The following LOXHD1 variants were observed in gnomAD, a reference collection of about 807,000 sequenced individuals.
LOXHD1 encodes lipoxygenase homology domain-containing protein 1.
Under a neutral mutation model 248.2 loss-of-function variants are expected in LOXHD1, and 205 were observed. The ratio of observed to expected loss-of-function variants is 0.83; its 90% confidence interval spans 0.74 to 0.93. The LOEUF (loss-of-function observed/expected upper bound fraction) is 0.93. LOXHD1 is among the 40% of genes least tolerant of loss of function. LOXHD1 has a pLI of 0.00. For synonymous variants in LOXHD1, 1,113 were observed against 1,162.8 expected (o/e 0.96, Z 0.87); for missense variants, 2,930 against 2,971.6 (o/e 0.99, Z 0.33).
intron 1 of LOXHD1, among the ~76,000 whole-genome samples, chr18:46,653,715 C>T (rs1159618514): frequency 6.6e-6 from 1 of 152,186 alleles, no homozygotes; most frequent in Non-Finnish European, 1.5e-5. Context: ...ACAAAACTGA[C>T]CAGGATTTGA....
intron 1 of LOXHD1, among the ~76,000 whole-genome samples, chr18:46,655,428 T>C (rs1599082252): frequency 6.6e-6 from 1 of 152,174 alleles, no homozygotes; most frequent in Non-Finnish European, 1.5e-5. Context: ...CTGCTGGCTG[T>C]GAGAGGTTCT....
rs777888363 is a variant in LOXHD1, at chr18:46,509,719, C to T, written c.5496G>A (p.Arg1832=). 1.3e-6 allele frequency: 2 copies of T among 1,551,548 alleles called. No individual in the cohort carries two copies. Among genetic ancestry groups the T allele is most frequent in the Non-Finnish European group, 1.7e-6 (2 of 1,146,918 alleles). The change falls in exon 35 of 41, where the codon CGG becomes CGA. Residue 1832 remains arginine (R), a synonymous_variant. Coordinates refer to ENST00000642948, the MANE Select transcript of LOXHD1 (RefSeq NM_001384474.1). Reference sequence around the variant, plus strand: ...TTACCCTCTCCAGGAACCACTCCGGCCGACTGCCCAGGCCATCAATCCGGA... The same window carrying T: ...TTACCCTCTCCAGGAACCACTCCGGTCGACTGCCCAGGCCATCAATCCGGA... The part of the protein sequence containing the change: ...MRIRIDGLGS[R]PEWFLERILL...
At chr18:46,518,916 C>T in intron 33 of LOXHD1, 1 of 985,594 alleles carries the variant, frequency 1.0e-6, no homozygotes, top group Non-Finnish European at 1.2e-6. Context: ...AGAAGTGAGA[C>T]AATCCCCTAG....
chr18:46,642,607 G>C (rs115748340), intron 2 of LOXHD1, among the ~76,000 whole-genome samples: 1 of 152,234 alleles, frequency 6.6e-6, no homozygotes, highest in Non-Finnish European at 1.5e-5. Context: ...AGTGAGGGAA[G>C]TGCATCTCTG....
intron 21 of LOXHD1, chr18:46,555,393 G>A (rs1416544133): frequency 3.6e-5 from 11 of 302,294 alleles, no homozygotes; most frequent in South Asian, 2.1e-4. Context: ...GCTGTCCTAC[G>A]GTCTTTATGT....
chr18:46,555,698 G>A (rs1311451792), intron 21 of LOXHD1, among the ~76,000 whole-genome samples: 4 of 152,054 alleles, frequency 2.6e-5, no homozygotes, highest in African/African-American at 4.8e-5. Flanking sequence ...CTCATACAAG[G>A]GGACTTCTCT....
chr18:46,562,662 G>A (rs1015954138), intron 18 of LOXHD1, among the ~76,000 whole-genome samples: 1 of 152,188 alleles, frequency 6.6e-6, no homozygotes, highest in African/African-American at 2.4e-5. Context: ...TGCAGCCTTA[G>A]TGTCATCTTT....
intron 4 of LOXHD1, among the ~76,000 whole-genome samples, chr18:46,629,966 C>CTCTTCT (rs2038799171): frequency 6.6e-6 from 1 of 152,122 alleles, no homozygotes; most frequent in Non-Finnish European, 1.5e-5. Context: ...TCATCAGCCT[C>CTCTTCT]TCTTCTCTTT....
intron 8 of LOXHD1, among the ~76,000 whole-genome samples, chr18:46,597,717 A>C (rs1399171074): frequency 3.3e-5 from 5 of 152,182 alleles, no homozygotes; most frequent in Non-Finnish European, 7.4e-5. Context: ...CTGTACAAGA[A>C]AGGAATAAGG....
intron 40 of LOXHD1, among the ~76,000 whole-genome samples, chr18:46,482,317 G>T (rs1410068522): frequency 6.6e-6 from 1 of 152,178 alleles, no homozygotes; most frequent in Non-Finnish European, 1.5e-5. Context: ...TTTAGATAAG[G>T]TCATGAGGGT....
intron 5 of LOXHD1, among the ~76,000 whole-genome samples, chr18:46,615,317 C>A (rs1488447084): frequency 1.3e-5 from 2 of 152,230 alleles, no homozygotes; most frequent in Non-Finnish European, 2.9e-5. Context: ...TCTTGCCCTG[C>A]AAGATCCTCC....
Position 46,518,126 on chromosome 18 carries a change from T to A in LOXHD1, c.5399+3A>T. Reference sequence around the variant, plus strand: ...GTGAGGGGCAGGGGCCGCCTCCAGGTACCTGGCTTTCTTTTTGTCCAGCTG... The same window carrying A: ...GTGAGGGGCAGGGGCCGCCTCCAGGAACCTGGCTTTCTTTTTGTCCAGCTG... On this transcript the variant is annotated splice_donor_region_variant and intron_variant, in intron 34 of 40. Transcript: ENST00000642948. 1 of 1,551,448 alleles carries A rather than the reference T, an allele frequency of 6.4e-7. No individual in the cohort carries two copies. The highest frequency in any genetic ancestry group is 1.2e-5 in the South Asian group (1 of 84,038).
chr18:46,560,495 C>A lies in LOXHD1; in HGVS notation c.2649G>T (p.Thr883=), dbSNP rs1393378453. Residue 883 remains threonine, a synonymous_variant, in exon 19 of 41, where the codon ACG becomes ACT. Transcript: ENST00000642948. ...GEVYKLRLGH[T]GEGFGPSWFV... is the part of the protein sequence containing the mutation. ...ACCAGCTGGGCCCAAAGCCCTCGCC[C>A]GTGTGCCCGAGCCGGAGCTTATAGA... 10 of 1,537,916 alleles carry A rather than the reference C, an allele frequency of 6.5e-6. No homozygotes were observed. Among genetic ancestry groups the A allele is most frequent in the Non-Finnish European group, 8.7e-6 (10 of 1,146,638 alleles).
At chr18:46,483,766 G>C in intron 39 of LOXHD1, 21 bp from the exon 40 acceptor site, 1 of 1,547,806 alleles carries the variant, frequency 6.5e-7, no homozygotes, top group Non-Finnish European at 8.7e-7. Context: ...CAAAAGTGTG[G>C]TCCATGAGCT....
chr18:46,540,087 AC>A (rs2036490356), intron 25 of LOXHD1, among the ~76,000 whole-genome samples: 2 of 152,146 alleles, frequency 1.3e-5, no homozygotes, highest in African/African-American at 4.8e-5. Flanking sequence ...ACCTCCTTTA[AC>A]CCTCACAATG....
chr18:46,489,289 G>A, intron 37 of LOXHD1, 147 bp from the exon 38 acceptor site: 1 of 850,690 alleles, frequency 1.2e-6, no homozygotes, highest in East Asian at 2.7e-5. Flanking sequence ...GATAAAGTGA[G>A]GGGTTGGGTT....
chr18:46,519,707 C>A (rs2035470095), intron 33 of LOXHD1, among the ~76,000 whole-genome samples: 1 of 152,112 alleles, frequency 6.6e-6, no homozygotes, highest in Non-Finnish European at 1.5e-5. Flanking sequence ...GAGACTGGCC[C>A]CTGAGAGCTG....
chr18:46,612,033 T>C (rs921011202), intron 5 of LOXHD1, among the ~76,000 whole-genome samples: 1 of 152,230 alleles, frequency 6.6e-6, no homozygotes, highest in Non-Finnish European at 1.5e-5. Flanking sequence ...GTTAATGTTA[T>C]CCTTTTGAGA....
At chr18:46,640,176 C>G (rs533326940) in intron 3 of LOXHD1, among the ~76,000 whole-genome samples, 1 of 152,066 alleles carries the variant, frequency 6.6e-6, no homozygotes, top group Non-Finnish European at 1.5e-5. Context: ...GGCTCAAGCA[C>G]GGATACACAC....
Sources: allele counts gnomAD v4.1 joint callset (sites outside exome capture counted in the v4.1 genomes callset), GRCh38; gene constraint gnomAD v4.1.1; transcripts MANE v1.5; gene names NCBI Gene and HGNC (gene_info 2026-07-23, HGNC 2026-07-21).